Variants in NTN1 observed in about 807,000 individuals in gnomAD.
NTN1 encodes the protein netrin 1, also known as netrin-1.
A neutral mutation model predicts 54.2 loss-of-function variants in NTN1; 11 were observed. The observed-to-expected ratio is 0.20, with a 90% CI of 0.13 to 0.34. The LOEUF (loss-of-function observed/expected upper bound fraction) is 0.34, where lower values mean the gene tolerates loss of function less well. Ranked by LOEUF, NTN1 falls within the 10% of genes least tolerant of loss-of-function variation. The pLI, the probability that NTN1 is intolerant of heterozygous loss-of-function variation, is 1.00. For missense variants in NTN1, 740 were observed against 893.1 expected (o/e 0.83, Z 2.18); for synonymous variants, 371 against 382.0 (o/e 0.97, Z 0.33).
chr17:9,218,023 A>C (rs1270587897), intron 5 of NTN1, among the ~76,000 whole-genome samples: 3 of 152,224 alleles, frequency 2.0e-5, no homozygotes, highest in Middle Eastern at 6.8e-3. Flanking sequence ...CTCTGTGCAA[A>C]TCATGGGTGT....
intron 5 of NTN1, among the ~76,000 whole-genome samples, chr17:9,191,974 CAA>C (rs199861842): frequency 1.2e-4 from 16 of 132,332 alleles, no homozygotes; most frequent in Non-Finnish European, 8.1e-5. Context: ...GACCCTGTCT[CAA>C]AAAAAAAAAA....
At chr17:9,226,134 C>T (rs1905532719) in intron 6 of NTN1, among the ~76,000 whole-genome samples, 1 of 132,308 alleles carries the variant, frequency 7.6e-6, no homozygotes, top group South Asian at 2.3e-4. Flanking sequence ...GGCTTAAGGG[C>T]ACGAAGCAAG....
At chr17:9,063,750 G>A (rs12449664) in intron 2 of NTN1, among the ~76,000 whole-genome samples, 20,149 of 151,748 alleles carry the variant, frequency 0.13, 1,549 homozygotes, top group Non-Finnish European at 0.17. Context: ...GGGTTTCACC[G>A]TGTTAGCCAG....
chr17:9,104,088 CAA>C (rs55732200), intron 2 of NTN1, among the ~76,000 whole-genome samples: 3 of 70,836 alleles, frequency 4.2e-5, no homozygotes, highest in African/African-American at 1.2e-4. Flanking sequence ...GACTCCATCT[CAA>C]AAAAAAAAAA....
At chr17:9,143,799 C>T (rs1308674520) in intron 2 of NTN1, among the ~76,000 whole-genome samples, 1 of 152,160 alleles carries the variant, frequency 6.6e-6, no homozygotes, top group Non-Finnish European at 1.5e-5. Flanking sequence ...GCTAGCTTTA[C>T]TTCCTAAGGG....
At chr17:9,052,310 G>A (rs1034342030) in intron 2 of NTN1, among the ~76,000 whole-genome samples, 2 of 152,108 alleles carry the variant, frequency 1.3e-5, no homozygotes, top group African/African-American at 4.8e-5. Context: ...TGAGTTAAGG[G>A]CATAATCATT....
At chr17:9,156,769 A>G (rs907263163) in intron 2 of NTN1, among the ~76,000 whole-genome samples, 1 of 152,204 alleles carries the variant, frequency 6.6e-6, no homozygotes, top group African/African-American at 2.4e-5. Context: ...AGTTGAAAGC[A>G]ACAATCAGAT....
In NTN1 at chr17:9,240,077, G is replaced by C. The variant is rs528264515; in HGVS notation, c.*109G>C. 1.8e-3 allele frequency: 613 copies of C among 348,220 alleles called. 1 individual carries two copies. Among genetic ancestry groups the C allele is most frequent in the African/African-American group, 0.012 (532 of 45,302 alleles). The allele number at this position is 348,220 out of a possible 1,614,324, so 21.6% of individuals were successfully genotyped here. A position where few individuals can be genotyped will look rare whatever the true frequency, so the allele number is the denominator to read the frequency against. ...TTGGCCCGCGAGGGCTTTCCCAGGT[G>C]GGGGGAGGGAGGGGGCGGGGCCGCA... On this transcript the variant is annotated 3_prime_UTR_variant, in exon 7 of 7. Coordinates refer to ENST00000173229, the MANE Select transcript of NTN1 (RefSeq NM_004822.3).
intron 2 of NTN1, among the ~76,000 whole-genome samples, chr17:9,099,717 T>C (rs1260927944): frequency 2.6e-5 from 4 of 152,210 alleles, no homozygotes; most frequent in Non-Finnish European, 5.9e-5. Flanking sequence ...AAAGCATTTA[T>C]GTTTCTACCA....
intron 6 of NTN1, among the ~76,000 whole-genome samples, chr17:9,231,579 G>A (rs1323562280): frequency 1.3e-5 from 2 of 152,210 alleles, no homozygotes; most frequent in African/African-American, 2.4e-5. Context: ...CCCTGGGAGC[G>A]CCCTGGAAAT....
chr17:9,007,277 T>A, the NTN1 span, among the ~76,000 whole-genome samples: 1 of 151,052 alleles, frequency 6.6e-6, no homozygotes, highest in African/African-American at 2.4e-5. Flanking sequence ...TTTCTTTTCT[T>A]TCATCCCTTC....
intron 2 of NTN1, among the ~76,000 whole-genome samples, chr17:9,147,646 A>G (rs1247567244): frequency 6.6e-6 from 1 of 152,154 alleles, no homozygotes; most frequent in African/African-American, 2.4e-5. Context: ...CCTCCTCCCC[A>G]GAGCCGGAGT....
At chr17:9,083,887 A>T (rs2092081659) in intron 2 of NTN1, among the ~76,000 whole-genome samples, 1 of 150,552 alleles carries the variant, frequency 6.6e-6, no homozygotes, top group East Asian at 1.9e-4. Context: ...CCTTGGGGAG[A>T]GACAGATATG....
chr17:9,173,476 G>A (rs1567728655), intron 3 of NTN1: 1 of 152,548 alleles, frequency 6.6e-6, no homozygotes, highest in East Asian at 1.9e-4. Context: ...CTGACTCTTT[G>A]GACTGTCCTC....
At chr17:9,130,941 C>T (rs572669822) in intron 2 of NTN1, among the ~76,000 whole-genome samples, 1 of 152,310 alleles carries the variant, frequency 6.6e-6, no homozygotes, top group Admixed American at 6.5e-5. Context: ...TCTCCTACAC[C>T]AGGGAGTTTG....
chr17:9,075,266 A>C (rs1245526861), intron 2 of NTN1, among the ~76,000 whole-genome samples: 1 of 152,158 alleles, frequency 6.6e-6, no homozygotes, highest in African/African-American at 2.4e-5. Context: ...GGAATACTTG[A>C]GCCCAGGAGT....
chr17:9,009,940 C>T, the NTN1 span, among the ~76,000 whole-genome samples: 10 of 152,150 alleles, frequency 6.6e-5, no homozygotes, highest in East Asian at 1.9e-4. Context: ...TTTCCTCACT[C>T]GTAATCTGGG....
At chr17:9,014,671 C>T in the NTN1 span, among the ~76,000 whole-genome samples, 1 of 152,248 alleles carries the variant, frequency 6.6e-6, no homozygotes, top group Non-Finnish European at 1.5e-5. Context: ...TCCTCCTGGT[C>T]ACCTCTGCCT....
the NTN1 span, among the ~76,000 whole-genome samples, chr17:9,014,796 C>T: frequency 6.6e-6 from 1 of 152,204 alleles, no homozygotes; most frequent in Non-Finnish European, 1.5e-5. Flanking sequence ...CCACACAGCT[C>T]ATACTCTTGG....
Sources: allele counts gnomAD v4.1 joint callset (sites outside exome capture counted in the v4.1 genomes callset), GRCh38; gene constraint gnomAD v4.1.1; transcripts MANE v1.5; gene names NCBI Gene and HGNC (gene_info 2026-07-23, HGNC 2026-07-21).